TBC1D5: variants seen among roughly 807,000 people sequenced by gnomAD.
TBC1D5 encodes TBC1 domain family, member 5.
Under a neutral mutation model 100.3 loss-of-function variants are expected in TBC1D5, and 75 were observed. The ratio of observed to expected loss-of-function variants is 0.75; its 90% CI spans 0.62 to 0.91. The LOEUF (loss-of-function observed/expected upper bound fraction) is 0.91, where lower values mean the gene tolerates loss of function less well. Ranked by LOEUF, TBC1D5 falls within the 40% of genes least tolerant of loss-of-function variation. The pLI, the probability that TBC1D5 is intolerant of heterozygous loss-of-function variation, is 0.00. For missense variants in TBC1D5, 910 were observed against 942.4 expected (o/e 0.97, Z 0.45); for synonymous variants, 323 against 325.6 (o/e 0.99, Z 0.09).
chr3:17,608,386 GA>G (rs920632714), intron 2 of TBC1D5, among the ~76,000 whole-genome samples: 13 of 152,114 alleles, frequency 8.5e-5, no homozygotes, highest in African/African-American at 1.9e-4. Flanking sequence ...TAAAAAGGGG[GA>G]AAAAATTGCC....
chr3:17,512,989 G>C (rs549095922), intron 2 of TBC1D5, among the ~76,000 whole-genome samples: 3 of 152,000 alleles, frequency 2.0e-5, no homozygotes, highest in African/African-American at 7.2e-5. Flanking sequence ...AAGCTTAGAA[G>C]GCAGTTTTAA....
chr3:17,374,900 A>C (rs909225063), intron 10 of TBC1D5, among the ~76,000 whole-genome samples: 1 of 152,166 alleles, frequency 6.6e-6, no homozygotes, highest in Non-Finnish European at 1.5e-5. Flanking sequence ...TGCGACATGA[A>C]CTATCTAATT....
intron 2 of TBC1D5, among the ~76,000 whole-genome samples, chr3:17,532,039 T>G (rs999749312): frequency 1.3e-5 from 2 of 151,748 alleles, no homozygotes; most frequent in African/African-American, 4.8e-5. Context: ...ACCGTCAGAG[T>G]GAAAAGGGAA....
chr3:17,463,788 C>A (rs2149986249), intron 3 of TBC1D5, among the ~76,000 whole-genome samples: 1 of 152,190 alleles, frequency 6.6e-6, no homozygotes, highest in South Asian at 2.1e-4. Context: ...ACTGTACTTC[C>A]CAGCCACTGA....
intron 1 of TBC1D5, among the ~76,000 whole-genome samples, chr3:17,626,394 A>G (rs576229214): frequency 2.0e-5 from 3 of 152,248 alleles, no homozygotes; most frequent in African/African-American, 7.2e-5. Context: ...GATTTACGGG[A>G]AAAAAATAAG....
intron 2 of TBC1D5, among the ~76,000 whole-genome samples, chr3:17,531,784 G>A (rs2096229807): frequency 1.3e-5 from 2 of 152,344 alleles, no homozygotes; most frequent in Admixed American, 6.5e-5. Flanking sequence ...CTAGCCGTAT[G>A]TAGAAAGCTG....
intron 2 of TBC1D5, among the ~76,000 whole-genome samples, chr3:17,515,402 TAAC>T (rs2095971827): frequency 1.3e-5 from 2 of 152,172 alleles, no homozygotes; most frequent in Non-Finnish European, 2.9e-5. Context: ...AATTAAATAA[TAAC>T]AACAGCAGCA....
intron 15 of TBC1D5, among the ~76,000 whole-genome samples, chr3:17,279,302 T>C (rs574747104): frequency 1.3e-5 from 2 of 152,304 alleles, no homozygotes; most frequent in Non-Finnish European, 2.9e-5. Flanking sequence ...TCATTTAAGA[T>C]AATGCAACCC....
At chr3:17,515,950 C>G (rs995712637) in intron 2 of TBC1D5, among the ~76,000 whole-genome samples, 2 of 152,132 alleles carry the variant, frequency 1.3e-5, no homozygotes, top group Non-Finnish European at 2.9e-5. Context: ...GATTTTAAAT[C>G]ATTATTTAAG....
intron 1 of TBC1D5, among the ~76,000 whole-genome samples, chr3:17,643,373 A>T (rs555255639): frequency 2.0e-5 from 3 of 152,034 alleles, no homozygotes; most frequent in Non-Finnish European, 4.4e-5. Context: ...TGTCTCCTCC[A>T]TAAAGTTACT....
chr3:17,431,138 G>C (rs2094440960), intron 3 of TBC1D5, among the ~76,000 whole-genome samples: 1 of 151,840 alleles, frequency 6.6e-6, no homozygotes, highest in South Asian at 2.1e-4. Context: ...TATATGTAGT[G>C]TTTCCCAAAA....
intron 19 of TBC1D5, among the ~76,000 whole-genome samples, chr3:17,170,317 C>T (rs1368362621): frequency 6.6e-6 from 1 of 152,132 alleles, no homozygotes; most frequent in African/African-American, 2.4e-5. Flanking sequence ...TGCTCCCAGG[C>T]CCCCAAAGGA....
chr3:17,522,021 G>C (rs1202173443), intron 2 of TBC1D5, among the ~76,000 whole-genome samples: 1 of 151,952 alleles, frequency 6.6e-6, no homozygotes, highest in Non-Finnish European at 1.5e-5. Flanking sequence ...TGTTCCAATT[G>C]TAGTAGAAGA....
intron 3 of TBC1D5, among the ~76,000 whole-genome samples, chr3:17,473,985 G>A (rs1250099783): frequency 6.6e-6 from 1 of 151,974 alleles, no homozygotes; most frequent in African/African-American, 2.4e-5. Flanking sequence ...ACAAGGGGGA[G>A]GATGAGGACT....
chr3:17,386,045 A>G (rs2093139152), intron 8 of TBC1D5, among the ~76,000 whole-genome samples: 1 of 152,150 alleles, frequency 6.6e-6, no homozygotes, highest in Non-Finnish European at 1.5e-5. Context: ...CAAATTAATC[A>G]GGATAAAAGA....
intron 2 of TBC1D5, among the ~76,000 whole-genome samples, chr3:17,553,265 A>C (rs1442151870): frequency 6.6e-6 from 1 of 152,156 alleles, no homozygotes; most frequent in African/African-American, 2.4e-5. Context: ...TGCAATTCTT[A>C]TCTTTTAAAA....
At chr3:17,682,255 C>T (rs1449450540) in intron 1 of TBC1D5, among the ~76,000 whole-genome samples, 1 of 151,054 alleles carries the variant, frequency 6.6e-6, no homozygotes, top group Non-Finnish European at 1.5e-5. Flanking sequence ...AAGACCCCAT[C>T]TCTAGAAAAA....
chr3:17,297,978 C>T (rs1275445859), intron 14 of TBC1D5, among the ~76,000 whole-genome samples: 2 of 152,072 alleles, frequency 1.3e-5, no homozygotes, highest in African/African-American at 2.4e-5. Context: ...GTTCTACCTC[C>T]GCATCTGTAA....
intron 2 of TBC1D5, among the ~76,000 whole-genome samples, chr3:17,596,700 CAAAAAAAAAA>C (rs34625799): frequency 2.0e-4 from 9 of 44,940 alleles, no homozygotes; most frequent in Admixed American, 1.7e-3. Context: ...GACTCCATCT[CAAAAAAAAAA>C]AAAAAAAAAA....
Sources: gnomAD v4.1 joint callset for allele counts (sites outside exome capture counted in the v4.1 genomes callset) on GRCh38, gnomAD v4.1.1 for gene constraint, MANE v1.5 for transcripts, NCBI Gene and HGNC (gene_info 2026-07-23, HGNC 2026-07-21) for gene names.